TNFSF4: variants seen among roughly 807,000 people sequenced by gnomAD.
The protein encoded by TNFSF4 is TNF superfamily member 4, also known as tumor necrosis factor ligand superfamily member 4.
In TNFSF4, 4 loss-of-function variants were observed where a neutral mutation model predicts 7.3. That is an observed-to-expected ratio of 0.55 (90% CI 0.27 to 1.25). TNFSF4 has a LOEUF of 1.25. Among genes scored for constraint, TNFSF4 ranks in the 50% most tolerant of loss-of-function variants. The probability of loss-of-function intolerance (pLI) is 0.12; values close to 1 mark genes in which losing one functional copy is unlikely to be tolerated. For synonymous variants in TNFSF4, 76 were observed against 83.7 expected (o/e 0.91, Z 0.50); for missense variants, 181 against 208.8 (o/e 0.87, Z 0.82).
the TNFSF4 span, among the ~76,000 whole-genome samples, chr1:173,442,605 A>C: frequency 1.5e-5 from 2 of 131,452 alleles, no homozygotes; most frequent in Non-Finnish European, 3.1e-5. Context: ...GCTGGAGTGC[A>C]GTGATGCAAT....
At chr1:173,430,139 A>C in the TNFSF4 span, among the ~76,000 whole-genome samples, 1 of 152,176 alleles carries the variant, frequency 6.6e-6, no homozygotes, top group Admixed American at 6.5e-5. Context: ...ACGCAATGGA[A>C]CGCGGGGTCT....
the TNFSF4 span, among the ~76,000 whole-genome samples, chr1:173,419,363 G>T: frequency 6.7e-6 from 1 of 149,138 alleles, no homozygotes; most frequent in Non-Finnish European, 1.5e-5. Context: ...AAAAAAAGAA[G>T]AGTTAGAGTA....
the TNFSF4 span, among the ~76,000 whole-genome samples, chr1:173,300,183 A>ACAT: frequency 1.4e-5 from 2 of 143,052 alleles, no homozygotes; most frequent in African/African-American, 6.0e-5. Context: ...ATACATACAT[A>ACAT]CATACATACA....
the TNFSF4 span, among the ~76,000 whole-genome samples, chr1:173,383,338 G>C: frequency 2.8e-4 from 42 of 152,194 alleles, no homozygotes; most frequent in African/African-American, 9.7e-4. Context: ...ATTGAGTAGA[G>C]GTAGTAGACC....
the TNFSF4 span, among the ~76,000 whole-genome samples, chr1:173,340,962 G>C: frequency 3.3e-5 from 5 of 152,160 alleles, no homozygotes; most frequent in Admixed American, 1.3e-4. Context: ...TAAATCATGA[G>C]AGGAGCTACC....
chr1:173,287,944 T>C, the TNFSF4 span, among the ~76,000 whole-genome samples: 4 of 152,214 alleles, frequency 2.6e-5, no homozygotes, highest in Admixed American at 6.5e-5. Context: ...TTCTACATCT[T>C]GATGAGGCAG....
the TNFSF4 span, among the ~76,000 whole-genome samples, chr1:173,374,504 A>G: frequency 6.6e-6 from 1 of 152,310 alleles, no homozygotes; most frequent in East Asian, 1.9e-4. Context: ...AGGAGACCCA[A>G]GATCAGCCAG....
At chr1:173,328,558 A>G in the TNFSF4 span, among the ~76,000 whole-genome samples, 1 of 142,448 alleles carries the variant, frequency 7.0e-6, no homozygotes, top group Non-Finnish European at 1.5e-5. Flanking sequence ...AAAAAAGTTT[A>G]CCCCCCCCCA....
At chr1:173,279,661 A>G in the TNFSF4 span, among the ~76,000 whole-genome samples, 1 of 152,098 alleles carries the variant, frequency 6.6e-6, no homozygotes, top group African/African-American at 2.4e-5. Flanking sequence ...AAACTTGGCA[A>G]TCATCGTAAT....
At chr1:173,297,598 ATTGAAG>A in the TNFSF4 span, among the ~76,000 whole-genome samples, 1 of 151,952 alleles carries the variant, frequency 6.6e-6, no homozygotes, top group Non-Finnish European at 1.5e-5. Context: ...GGAGCAAGGA[ATTGAAG>A]TTGAAGGAGG....
the TNFSF4 span, among the ~76,000 whole-genome samples, chr1:173,231,746 A>G: frequency 1.3e-5 from 2 of 152,356 alleles, no homozygotes; most frequent in South Asian, 2.1e-4. Context: ...ACTTAGGCTG[A>G]TAAGCAAATT....
the TNFSF4 span, among the ~76,000 whole-genome samples, chr1:173,244,265 G>A: frequency 7.9e-5 from 12 of 152,226 alleles, no homozygotes; most frequent in Admixed American, 7.2e-4. Context: ...TAGAAATGAG[G>A]GAAGTGTCAG....
the TNFSF4 span, among the ~76,000 whole-genome samples, chr1:173,248,548 T>A: frequency 6.7e-6 from 1 of 149,648 alleles, no homozygotes; most frequent in African/African-American, 2.5e-5. Context: ...AAAAGAAAAT[T>A]TCACGAAAGA....
upstream of TNFSF4, among the ~76,000 whole-genome samples, chr1:173,210,956 T>C (rs1362810306): frequency 6.6e-6 from 1 of 152,244 alleles, no homozygotes; most frequent in Non-Finnish European, 1.5e-5. Context: ...AACAAAGGGC[T>C]GTACTCATTT....
the TNFSF4 span, among the ~76,000 whole-genome samples, chr1:173,216,311 G>C: frequency 6.6e-6 from 1 of 151,992 alleles, no homozygotes; most frequent in Admixed American, 6.6e-5. Flanking sequence ...CACCATCAGG[G>C]GGCCAGAAAG....
chr1:173,388,775 C>T, the TNFSF4 span, among the ~76,000 whole-genome samples: 1 of 152,204 alleles, frequency 6.6e-6, no homozygotes, highest in Admixed American at 6.5e-5. Context: ...TTTAATGAAT[C>T]TGTAAATACA....
the TNFSF4 span, among the ~76,000 whole-genome samples, chr1:173,427,383 G>T: frequency 6.6e-6 from 1 of 152,152 alleles, no homozygotes; most frequent in Non-Finnish European, 1.5e-5. Context: ...CCAGGATGCT[G>T]CTAAACATTC....
At chr1:173,347,383 A>G in the TNFSF4 span, among the ~76,000 whole-genome samples, 1 of 152,232 alleles carries the variant, frequency 6.6e-6, no homozygotes. Context: ...TTCTGGCACC[A>G]GGGCAAATTT....
At position 173,188,535 on chromosome 1, in the gene TNFSF4, T is replaced by G. The variant is rs1447258173; in HGVS notation, c.188A>C (p.Lys63Thr). The change falls in exon 2 of 3, where the codon AAA (lysine) becomes ACA (threonine). Residue 63 changes from lysine to threonine, a missense_variant. Lys to Thr is a moderately conservative substitution (Grantham distance 78). Transcript: ENST00000281834. Reference sequence around the variant, plus strand: ...ACAATACTTACCGGTAAATTGTACTTTGATACTTTGAATTCGAGGATACCG... The same window carrying G: ...ACAATACTTACCGGTAAATTGTACTGTGATACTTTGAATTCGAGGATACCG... ...SHRYPRIQSIKVQFTEYKKEK... is the reference protein window; with the variant it reads ...SHRYPRIQSITVQFTEYKKEK... The G allele has an allele frequency of 6.2e-7, 1 of 1,612,228 alleles. No individual in the cohort carries two copies. Among genetic ancestry groups the G allele is most frequent in the East Asian group, 2.2e-5 (1 of 44,858 alleles).
Sources: allele counts gnomAD v4.1 joint callset (sites outside exome capture counted in the v4.1 genomes callset), GRCh38; gene constraint gnomAD v4.1.1; transcripts MANE v1.5; gene names NCBI Gene and HGNC (gene_info 2026-07-23, HGNC 2026-07-21).